PROKR2: variants seen among roughly 807,000 people sequenced by gnomAD.
The protein encoded by PROKR2 is G protein-coupled receptor 73-like 1.
PROKR2 carries 26 observed loss-of-function variants against 23.4 expected under a neutral mutation model. The ratio of observed to expected loss-of-function variants is 1.11; its 90% CI spans 0.81 to 1.54. PROKR2 has a LOEUF of 1.54. PROKR2 is among the 40% of genes most tolerant of loss of function. The probability of loss-of-function intolerance (pLI) is 0.00; values close to 1 mark genes in which losing one functional copy is unlikely to be tolerated. For synonymous variants in PROKR2, 212 were observed against 201.2 expected, an observed-to-expected ratio of 1.05 and a Z score of -0.45; for missense variants, 453 against 511.5, an observed-to-expected ratio of 0.89 and a Z score of 1.10.
intron 2 of PROKR2, among the ~76,000 whole-genome samples, chr20:5,308,201 CCT>C (rs1491124025): frequency 5.4e-5 from 2 of 37,022 alleles, no homozygotes; most frequent in African/African-American, 3.2e-4. Flanking sequence ...GGCCCCCCCC[CCT>C]CAAAACCTGG....
At chr20:5,304,726 T>G (rs1352748881) in intron 2 of PROKR2, among the ~76,000 whole-genome samples, 3 of 152,172 alleles carry the variant, frequency 2.0e-5, no homozygotes, top group Non-Finnish European at 4.4e-5. Context: ...AAAAGAACCA[T>G]ACGTGGATTT....
In PROKR2 at chr20:5,314,100, C is replaced by A. The variant is rs753190546; in HGVS notation, c.270G>T (p.Leu90=). 5 of 1,614,156 alleles carry A rather than the reference C, an allele frequency of 3.1e-6. No homozygotes were observed. The East Asian group carries it at 1.1e-4, about 36-fold the overall frequency. Reference sequence around the variant, plus strand: ...CGGAGATGGCCAGGTTGGCAATGAGCAGATTGGTGAGGTTGCGCAACTTCT... The same window carrying A: ...CGGAGATGGCCAGGTTGGCAATGAGAAGATTGGTGAGGTTGCGCAACTTCT... ...RYKKLRNLTN[L]LIANLAISDF... The change falls in exon 2 of 3, where the codon CTG becomes CTT. Residue 90 remains leucine, a synonymous_variant. Transcript: ENST00000678254.
At chr20:5,309,232 G>A (rs991061468) in intron 2 of PROKR2, among the ~76,000 whole-genome samples, 1 of 152,336 alleles carries the variant, frequency 6.6e-6, no homozygotes, top group South Asian at 2.1e-4. Flanking sequence ...ATTGCTGCTT[G>A]TAACAAATTA....
chr20:5,315,811 C>T, intron 1 of PROKR2: 1 of 456,456 alleles, frequency 2.2e-6, no homozygotes, highest in Non-Finnish European at 4.4e-6. Context: ...CCCCAATCCC[C>T]GCAGCCTCTG....
intron 2 of PROKR2, among the ~76,000 whole-genome samples, chr20:5,303,498 G>A (rs980054686): frequency 6.6e-6 from 1 of 152,186 alleles, no homozygotes; most frequent in Non-Finnish European, 1.5e-5. Context: ...GGGCCATCTT[G>A]TGCTCAAATG....
chr20:5,303,856 G>C (rs929690116), intron 2 of PROKR2, among the ~76,000 whole-genome samples: 2 of 152,070 alleles, frequency 1.3e-5, no homozygotes, highest in Non-Finnish European at 2.9e-5. Flanking sequence ...TGGTAAACAG[G>C]CCCCCCAAAA....
intron 2 of PROKR2, among the ~76,000 whole-genome samples, chr20:5,307,280 T>C (rs1010230223): frequency 6.6e-6 from 1 of 152,210 alleles, no homozygotes; most frequent in Non-Finnish European, 1.5e-5. Context: ...GTAGCTATGA[T>C]AGCGGTGATC....
In PROKR2 at chr20:5,299,324, C is replaced by T. The variant is rs552712310; in HGVS notation, c.*2716G>A. Among the ~76,000 whole-genome samples the T allele has an allele frequency of 1.2e-4, 19 of 152,104 alleles. No homozygotes were observed. The South Asian group carries it at 3.3e-3, about 27-fold the overall frequency. On this transcript the variant is annotated 3_prime_UTR_variant, in exon 3 of 3. Coordinates refer to ENST00000678254, the MANE Select transcript of PROKR2 (RefSeq NM_144773.4). ...TACAAAAGTTTTTTCAGTTAAATTT[C>T]AATGAAAGGAAGTTGGTATATTCTA... is the stretch of plus-strand genomic sequence containing the variant.
intron 2 of PROKR2, among the ~76,000 whole-genome samples, chr20:5,304,439 C>T (rs1600579639): frequency 6.6e-6 from 1 of 152,214 alleles, no homozygotes; most frequent in African/African-American, 2.4e-5. Flanking sequence ...GATGCTCTTA[C>T]TCGAGCTCGT....
At chr20:5,303,209 C>A (rs926713407) in intron 2 of PROKR2, among the ~76,000 whole-genome samples, 4 of 152,278 alleles carry the variant, frequency 2.6e-5, no homozygotes, top group African/African-American at 9.6e-5. Context: ...CAAGAACATA[C>A]AATACTCTCA....
intron 2 of PROKR2, among the ~76,000 whole-genome samples, chr20:5,308,892 T>C (rs1304522374): frequency 6.6e-6 from 1 of 152,208 alleles, no homozygotes; most frequent in South Asian, 2.1e-4. Flanking sequence ...TGCCTGCCAG[T>C]GGCTCTGATC....
In PROKR2 at chr20:5,302,231, C is replaced by A. The variant is rs779869864; in HGVS notation, c.964G>T (p.Ala322Ser). 6.2e-7 allele frequency: 1 copy of A among 1,614,202 alleles called. No individual in the cohort carries two copies. Among genetic ancestry groups the A allele is most frequent in the Non-Finnish European group, 8.5e-7 (1 of 1,180,038 alleles). The change falls in exon 3 of 3, where the codon GCC (alanine) becomes TCC (serine). Residue 322 changes from alanine to serine, a missense_variant. Physicochemically the swap from Ala to Ser is moderately conservative, Grantham distance 99. Transcript: ENST00000678254. ...GTGTTGATCATGCTGTTGCTCATGG[C>A]GATGCACTCGACCACGTAGAAGGCA... Reference protein sequence around the residue: ...LTAFYVVECIAMSNSMINTVC... With the variant: ...LTAFYVVECISMSNSMINTVC...
At chr20:5,315,235 G>GAATTCCATGCAAAAAAAAAAAAAAAAAAA (rs1330572086) in intron 1 of PROKR2, among the ~76,000 whole-genome samples, 7 of 150,076 alleles carry the variant, frequency 4.7e-5, no homozygotes, top group Non-Finnish European at 9.0e-5. Flanking sequence ...ACCAGCTCCA[G>GAATTCCATGCAAAAAAAAAAAAAAAAAAA]AAAGAAATCC....
At position 5,300,385 on chromosome 20, in the gene PROKR2, T is replaced by C. The variant is rs1210058696; in HGVS notation, c.*1655A>G. Among the ~76,000 whole-genome samples, 1 of 152,180 alleles carries C rather than the reference T, an allele frequency of 6.6e-6. No homozygotes were observed. The highest frequency in any genetic ancestry group is 1.5e-5 in the Non-Finnish European group (1 of 68,022). ...CCTTTTTGGCCCACTGTAGACAAGG[T>C]ACACTGTGAAGTCTTCAGGAGTCTT... On this transcript the variant is annotated 3_prime_UTR_variant, in exon 3 of 3. Transcript: ENST00000678254.
rs1297265528 is a variant in PROKR2, at chr20:5,316,751, C to A, written c.-266G>T. Among the ~76,000 whole-genome samples the A allele has an allele frequency of 2.6e-5, 4 of 152,236 alleles. No individual in the cohort carries two copies. Among genetic ancestry groups the A allele is most frequent in the Admixed American group, 2.6e-4 (4 of 15,288 alleles). ...TTCCAGCGTCTCGGACCTGTGCGCC[C>A]CGCCCCGCGCTGGACTCCGCCCCGG... On this transcript the variant is annotated 5_prime_UTR_variant, in exon 1 of 3. Transcript: ENST00000678254. This position sits in a 1 kb window ranked among gnomAD's most constrained non-coding sequence, Gnocchi z 5.0.
intron 2 of PROKR2, among the ~76,000 whole-genome samples, chr20:5,311,443 T>C (rs941052557): frequency 3.3e-5 from 5 of 152,072 alleles, no homozygotes; most frequent in Non-Finnish European, 7.4e-5. Context: ...AACAAGGTGA[T>C]TGCTTCCCAA....
rs1394155938 is a variant in PROKR2 at position 5,300,097 on chromosome 20, G to A, written c.*1943C>T. On this transcript the variant is annotated 3_prime_UTR_variant, in exon 3 of 3. Transcript: ENST00000678254. Reference sequence around the variant, plus strand: ...AAAAATTAGGAATTGGTCAAATATGGTTGGGTCAGTCCCAAACCAGGTACC... The same window carrying A: ...AAAAATTAGGAATTGGTCAAATATGATTGGGTCAGTCCCAAACCAGGTACC... Among the ~76,000 whole-genome samples the A allele has an allele frequency of 1.3e-5, 2 of 152,180 alleles. No individual in the cohort carries two copies. The highest frequency in any genetic ancestry group is 1.3e-4 in the Admixed American group (2 of 15,272).
At chr20:5,302,832 G>A in intron 2 of PROKR2, 96 bp from the exon 3 acceptor site, 2 of 861,570 alleles carry the variant, frequency 2.3e-6, no homozygotes, top group Non-Finnish European at 3.8e-6. Context: ...GTGGCACAGT[G>A]AATCCTCATG....
At position 5,299,690 on chromosome 20, in the gene PROKR2, T is replaced by G. The variant is rs1407861650; in HGVS notation, c.*2350A>C. ...CCCAGGCTGGAGTGCAGTGGTGTGA[T>G]CTCAATTCACTGCAACCTCTGCCTC... On this transcript the variant is annotated 3_prime_UTR_variant, in exon 3 of 3. Transcript: ENST00000678254. 6.6e-6 allele frequency among the ~76,000 whole-genome samples: 1 copy of G among 152,200 alleles called. No homozygotes were observed. Among genetic ancestry groups the G allele is most frequent in the Non-Finnish European group, 1.5e-5 (1 of 68,042 alleles).
Sources: gnomAD v4.1 joint callset for allele counts (sites outside exome capture counted in the v4.1 genomes callset) on GRCh38, gnomAD v4.1.1 for gene constraint, Gnocchi (gnomAD v3.1) non-coding constraint, MANE v1.5 for transcripts, NCBI Gene and HGNC (gene_info 2026-07-23, HGNC 2026-07-21) for gene names.